Variants in ATP6V1C1 observed in about 807,000 individuals in gnomAD.
ATP6V1C1 encodes V-type proton ATPase subunit C 1.
A neutral mutation model predicts 53.9 loss-of-function variants in ATP6V1C1; 45 were observed. The ratio of observed to expected loss-of-function variants is 0.83; its 90% confidence interval spans 0.66 to 1.07. The LOEUF (loss-of-function observed/expected upper bound fraction) is 1.07. Among genes scored for constraint, ATP6V1C1 ranks in the 50% least tolerant of loss-of-function variants. The pLI is 0.00. For synonymous variants in ATP6V1C1, 153 were observed against 155.2 expected, an observed-to-expected ratio of 0.99 and a Z score of 0.11; for missense variants, 315 against 440.3, an observed-to-expected ratio of 0.72 and a Z score of 2.55.
At position 103,070,524 on chromosome 8, in the gene ATP6V1C1, C is replaced by CT. The variant is rs1817568812; in HGVS notation, c.*1780dup. 2 of 152,154 alleles carry CT rather than the reference C, an allele frequency of 1.3e-5. No homozygotes were observed. Among genetic ancestry groups the CT allele is most frequent in the African/African-American group, 4.8e-5 (2 of 41,432 alleles). 9.4% of individuals were successfully genotyped at this position (152,154 alleles called of 1,614,324 possible). Reference sequence around the variant, plus strand: ...TGGTTCTTTGTCTTTTGCACATGTTCTTTGAGTCTTAGTATCTGTAACGTG... The same window carrying CT: ...TGGTTCTTTGTCTTTTGCACATGTTCTTTTGAGTCTTAGTATCTGTAACGTG... On this transcript the variant is annotated 3_prime_UTR_variant, in exon 13 of 13. Coordinates refer to ENST00000518738, the MANE Select transcript of ATP6V1C1 (RefSeq NM_001695.5).
At chr8:103,055,712 C>T (rs1409295411) in intron 7 of ATP6V1C1, among the ~76,000 whole-genome samples, 156 bp from the exon 8 acceptor site, 1 of 152,092 alleles carries the variant, frequency 6.6e-6, no homozygotes, top group Non-Finnish European at 1.5e-5. Context: ...GAAATTCATT[C>T]TCAGTAGGAA....
At chr8:103,042,166 G>C (rs1340717826) in intron 2 of ATP6V1C1, among the ~76,000 whole-genome samples, 174 bp from the exon 3 acceptor site, 2 of 152,160 alleles carry the variant, frequency 1.3e-5, no homozygotes, top group Non-Finnish European at 2.9e-5. Context: ...GGATTATCTT[G>C]TACATATAAA....
At chr8:103,027,638 T>C (rs1816721462) in intron 1 of ATP6V1C1, among the ~76,000 whole-genome samples, 1 of 151,148 alleles carries the variant, frequency 6.6e-6, no homozygotes, top group Non-Finnish European at 1.5e-5. Context: ...GCTTTGGATC[T>C]AGGGTTTTTT....
intron 1 of ATP6V1C1, among the ~76,000 whole-genome samples, chr8:103,023,301 G>T (rs60892495): frequency 8.4e-4 from 121 of 144,146 alleles, no homozygotes; most frequent in African/African-American, 2.1e-3. Context: ...TTTTTTTGGT[G>T]GGGGGGAGAT....
At chr8:103,045,917 G>A (rs1193683838) in intron 3 of ATP6V1C1, among the ~76,000 whole-genome samples, 1 of 151,946 alleles carries the variant, frequency 6.6e-6, no homozygotes, top group East Asian at 1.9e-4. Context: ...CTCCAGCCTG[G>A]GTGACAGAGC....
intron 1 of ATP6V1C1, among the ~76,000 whole-genome samples, chr8:103,030,486 A>G (rs1444822216): frequency 6.6e-6 from 1 of 152,188 alleles, no homozygotes; most frequent in Admixed American, 6.5e-5. Context: ...CCCACCATAA[A>G]CAATTACAAA....
chr8:103,052,558 T>C (rs1817218693), intron 5 of ATP6V1C1, among the ~76,000 whole-genome samples, 173 bp from the exon 6 acceptor site: 1 of 152,020 alleles, frequency 6.6e-6, no homozygotes, highest in Admixed American at 6.6e-5. Context: ...TAAAATGAAG[T>C]CGGCTGTTTT....
chr8:103,024,354 C>T (rs1237743932), intron 1 of ATP6V1C1, among the ~76,000 whole-genome samples: 1 of 152,052 alleles, frequency 6.6e-6, no homozygotes, highest in Non-Finnish European at 1.5e-5. Flanking sequence ...GTTTTTTCAA[C>T]CTAAAAAGAA....
At chr8:103,047,505 A>C (rs1817126571) in intron 3 of ATP6V1C1, among the ~76,000 whole-genome samples, 1 of 148,888 alleles carries the variant, frequency 6.7e-6, no homozygotes, top group Non-Finnish European at 1.5e-5. Flanking sequence ...GGAATTTCTT[A>C]ATTTGTCTTC....
intron 1 of ATP6V1C1, among the ~76,000 whole-genome samples, chr8:103,031,667 A>G (rs1368676064): frequency 1.3e-5 from 2 of 152,234 alleles, no homozygotes; most frequent in South Asian, 4.1e-4. Context: ...CCCAGCTCCA[A>G]CATTGGGGTT....
intron 1 of ATP6V1C1, among the ~76,000 whole-genome samples, chr8:103,036,260 A>G (rs1816897962): frequency 6.6e-6 from 1 of 152,218 alleles, no homozygotes; most frequent in African/African-American, 2.4e-5. Flanking sequence ...ATTACTGCCT[A>G]TCTCATGGGT....
At chr8:103,049,350 A>G (rs1817159639) in intron 4 of ATP6V1C1, among the ~76,000 whole-genome samples, 1 of 152,188 alleles carries the variant, frequency 6.6e-6, no homozygotes, top group Non-Finnish European at 1.5e-5. Context: ...ATTTAATAGT[A>G]TGTAACTGTT....
chr8:103,038,980 T>G (rs1816946114), intron 1 of ATP6V1C1, among the ~76,000 whole-genome samples: 1 of 152,204 alleles, frequency 6.6e-6, no homozygotes, highest in African/African-American at 2.4e-5. Context: ...GCTCTTTCAT[T>G]TGAGAAGGTG....
intron 2 of ATP6V1C1, 36 bp downstream of exon 2, chr8:103,041,004 A>C: frequency 6.3e-7 from 1 of 1,593,914 alleles, no homozygotes; most frequent in South Asian, 1.1e-5. Context: ...ATATGAGTTC[A>C]TCATCCAGGG....
rs1243658039 is a variant in ATP6V1C1 at position 103,031,509 on chromosome 8, A to T, written c.-39-9289A>T. The stretch of plus-strand genomic sequence containing the variant: ...AGAGAAGGAGCAAGAGTCAGGGGGA[A>T]GGTAACAGTCAGATCTCATGATAAC... On this transcript the variant is annotated intron_variant, in intron 1 of 12. Transcript: ENST00000518738. 2.0e-5 allele frequency among the ~76,000 whole-genome samples: 3 copies of T among 152,162 alleles called. 1 individual carries two copies. In the East Asian group the frequency reaches 5.8e-4, roughly 29 times the overall value.
intron 1 of ATP6V1C1, among the ~76,000 whole-genome samples, chr8:103,028,683 A>G (rs1816740026): frequency 6.6e-6 from 1 of 152,218 alleles, no homozygotes; most frequent in Admixed American, 6.5e-5. Context: ...TATGCAGACA[A>G]TTATATGCAG....
intron 10 of ATP6V1C1, 82 bp from the exon 11 acceptor site, chr8:103,064,632 G>T: frequency 9.7e-7 from 1 of 1,028,314 alleles, no homozygotes; most frequent in Non-Finnish European, 1.4e-6. Flanking sequence ...ATTCCTAATA[G>T]GTAGTCACTT....
At chr8:103,047,464 A>AGACACAT (rs137856477) in intron 3 of ATP6V1C1, among the ~76,000 whole-genome samples, 8 of 125,604 alleles carry the variant, frequency 6.4e-5, no homozygotes, top group Non-Finnish European at 1.1e-4. Flanking sequence ...ACACACACAC[A>AGACACAT]TTTTTTTTTT....
At chr8:103,040,496 T>C (rs1034591050) in intron 1 of ATP6V1C1, among the ~76,000 whole-genome samples, 9 of 152,230 alleles carry the variant, frequency 5.9e-5, no homozygotes, top group Non-Finnish European at 1.2e-4. Flanking sequence ...TGGTGGCTGG[T>C]ATTTTGGGTA....
Sources: gnomAD v4.1 joint callset for allele counts (sites outside exome capture counted in the v4.1 genomes callset) on GRCh38, gnomAD v4.1.1 for gene constraint, MANE v1.5 for transcripts, NCBI Gene and HGNC (gene_info 2026-07-23, HGNC 2026-07-21) for gene names.